The following IPCEF1 variants were observed in gnomAD, a reference collection of about 807,000 sequenced individuals.
The protein encoded by IPCEF1 is interaction protein for cytohesin exchange factors 1.
Under a neutral mutation model 50.9 loss-of-function variants are expected in IPCEF1, and 31 were observed. The ratio of observed to expected loss-of-function variants is 0.61; its 90% CI spans 0.46 to 0.82. The LOEUF is 0.82. Ranked by LOEUF, IPCEF1 falls within the 40% of genes least tolerant of loss-of-function variation. IPCEF1 has a pLI of 0.00. For missense variants in IPCEF1, 458 were observed against 514.0 expected (o/e 0.89, Z 1.05); for synonymous variants, 181 against 192.0 (o/e 0.94, Z 0.47).
Position 154,168,756 on chromosome 6 carries a change from C to T in IPCEF1, c.911-643G>A, listed in dbSNP as rs910871550. Among the ~76,000 whole-genome samples the T allele has an allele frequency of 2.5e-4, 38 of 151,994 alleles. No homozygotes were observed. Among genetic ancestry groups the T allele is most frequent in the African/African-American group, 9.2e-4 (38 of 41,392 alleles). ...AAGTAGCTGGGATTACAGGCACCTG[C>T]CACCATGCCCGGCTCATTTTTATAT... is the stretch of plus-strand genomic sequence containing the variant. On this transcript the variant is annotated intron_variant, in intron 10 of 11. Transcript: ENST00000367220. The surrounding 1 kb of genome is among the most constrained non-coding windows in gnomAD (Gnocchi z 4.1).
intron 10 of IPCEF1, among the ~76,000 whole-genome samples, chr6:154,179,600 T>C (rs1191449964): frequency 6.6e-6 from 1 of 152,210 alleles, no homozygotes; most frequent in Non-Finnish European, 1.5e-5. Context: ...ATTTTAGTCT[T>C]CCTACATAAA....
rs1265380812 is a variant in IPCEF1 at position 154,197,120 on chromosome 6, A to T, written c.910+2548T>A. 2.0e-5 allele frequency among the ~76,000 whole-genome samples: 3 copies of T among 152,208 alleles called. No homozygotes were observed. In the East Asian group the frequency reaches 5.8e-4, roughly 29 times the overall value. On this transcript the variant is annotated intron_variant, in intron 10 of 11. Coordinates refer to ENST00000367220, the MANE Select transcript of IPCEF1 (RefSeq NM_001130700.2). Reference sequence around the variant, plus strand: ...TTTTAAAATCCTAGCTCTCATTTTGAACCATGTTAAGATTTCTATCCCTGA... The same window carrying T: ...TTTTAAAATCCTAGCTCTCATTTTGTACCATGTTAAGATTTCTATCCCTGA...
chr6:154,215,371 A>G (rs1778308295), intron 7 of IPCEF1, among the ~76,000 whole-genome samples: 2 of 152,170 alleles, frequency 1.3e-5, no homozygotes, highest in South Asian at 4.1e-4. Flanking sequence ...CAGGAGGCCA[A>G]GGCAGGTGGA....
intron 5 of IPCEF1, 136 bp downstream of exon 5, chr6:154,246,455 T>G: frequency 9.7e-7 from 1 of 1,031,832 alleles, no homozygotes; most frequent in Non-Finnish European, 1.4e-6. Flanking sequence ...CAGAAATGGC[T>G]TCTATAACTT....
At chr6:154,347,296 AATTCTG>A (rs1450855939) in intron 1 of IPCEF1, among the ~76,000 whole-genome samples, 1 of 152,142 alleles carries the variant, frequency 6.6e-6, no homozygotes, top group African/African-American at 2.4e-5. Flanking sequence ...CCTAGGCTCA[AATTCTG>A]ACCCCAGAGT....
chr6:154,250,585 C>T (rs951372538), intron 3 of IPCEF1, among the ~76,000 whole-genome samples: 1 of 152,126 alleles, frequency 6.6e-6, no homozygotes, highest in Non-Finnish European at 1.5e-5. Flanking sequence ...TGGAAATATA[C>T]AAAAGACCCA....
At chr6:154,231,173 A>T (rs1308469214) in intron 5 of IPCEF1, among the ~76,000 whole-genome samples, 1 of 152,222 alleles carries the variant, frequency 6.6e-6, no homozygotes, top group African/African-American at 2.4e-5. Flanking sequence ...CAGACTCATG[A>T]CCACTAGAGA....
chr6:154,255,886 T>C (rs550477095), intron 3 of IPCEF1, among the ~76,000 whole-genome samples: 1 of 152,230 alleles, frequency 6.6e-6, no homozygotes, highest in African/African-American at 2.4e-5. Flanking sequence ...TACTTTATTA[T>C]TGGTGCTTGA....
At chr6:154,295,057 G>A (rs1458966198) in intron 1 of IPCEF1, among the ~76,000 whole-genome samples, 1 of 152,034 alleles carries the variant, frequency 6.6e-6, no homozygotes, top group Admixed American at 6.6e-5. Context: ...AATTAGTCGG[G>A]TGTGGTGGCG....
At chr6:154,281,029 C>G (rs1469416234) in intron 2 of IPCEF1, among the ~76,000 whole-genome samples, 1 of 151,612 alleles carries the variant, frequency 6.6e-6, no homozygotes, top group African/African-American at 2.4e-5. Flanking sequence ...CTGAGAATCC[C>G]CATCTCAACA....
chr6:154,191,501 C>T (rs890222010), intron 10 of IPCEF1, among the ~76,000 whole-genome samples: 6 of 152,170 alleles, frequency 3.9e-5, no homozygotes, highest in Admixed American at 1.3e-4. Flanking sequence ...TAGTGAAACC[C>T]TGTCTCTACT....
chr6:154,251,560 T>G (rs1018728025), intron 3 of IPCEF1, among the ~76,000 whole-genome samples: 5 of 152,226 alleles, frequency 3.3e-5, no homozygotes, highest in African/African-American at 7.2e-5. Context: ...AAGTGGAAAT[T>G]AAAGCAAACG....
intron 9 of IPCEF1, among the ~76,000 whole-genome samples, chr6:154,202,559 C>CT (rs1351232148): frequency 6.6e-6 from 1 of 152,102 alleles, no homozygotes; most frequent in African/African-American, 2.4e-5. Context: ...GAAACAACAC[C>CT]AAATAAGCTT....
At chr6:154,350,973 G>A (rs1357588436) in intron 1 of IPCEF1, among the ~76,000 whole-genome samples, 3 of 152,124 alleles carry the variant, frequency 2.0e-5, no homozygotes, top group Admixed American at 2.0e-4. Flanking sequence ...TCCCAACTCC[G>A]CTTCCCAAAG....
At position 154,239,012 on chromosome 6, in the gene IPCEF1, G is replaced by A. The variant is rs749785052; in HGVS notation, c.246+7579C>T. On this transcript the variant is annotated intron_variant, in intron 5 of 11. Transcript: ENST00000367220. ...AGAAAAGAAGGAAGCTGTATCCCCT[G>A]AGTGGGCATTTCACTGCTGTGAGCT... Among the ~76,000 whole-genome samples, 115 of 152,036 alleles carry A rather than the reference G, an allele frequency of 7.6e-4. 1 individual carries two copies. The highest frequency in any genetic ancestry group is 2.3e-3 in the African/African-American group (96 of 41,464).
intron 10 of IPCEF1, among the ~76,000 whole-genome samples, chr6:154,193,460 T>C (rs1802113455): frequency 1.3e-5 from 2 of 152,144 alleles, no homozygotes; most frequent in South Asian, 2.1e-4. Flanking sequence ...AACTCATTCA[T>C]GTAACCACAC....
rs1799633103 is a variant in IPCEF1, at chr6:154,168,720, C to T, written c.911-607G>A. 2.0e-5 allele frequency among the ~76,000 whole-genome samples: 3 copies of T among 152,076 alleles called. No homozygotes were observed. Among genetic ancestry groups the T allele is most frequent in the Admixed American group, 2.0e-4 (3 of 15,270 alleles). ...TCCCAGGTTCAAGTGATTCTCCTGT[C>T]TCAGCCTCCCAAGTAGCTGGGATTA... On this transcript the variant is annotated intron_variant, in intron 10 of 11. Coordinates refer to ENST00000367220, the MANE Select transcript of IPCEF1 (RefSeq NM_001130700.2). This position sits in a 1 kb window ranked among gnomAD's most constrained non-coding sequence, Gnocchi z 4.1.
chr6:154,223,981 C>A, intron 5 of IPCEF1, among the ~76,000 whole-genome samples: 1 of 152,200 alleles, frequency 6.6e-6, no homozygotes, highest in Non-Finnish European at 1.5e-5. Flanking sequence ...AATATAATCA[C>A]TGTCCCACCT....
At chr6:154,268,208 C>T (rs1162502526) in intron 2 of IPCEF1, among the ~76,000 whole-genome samples, 1 of 152,204 alleles carries the variant, frequency 6.6e-6, no homozygotes, top group Non-Finnish European at 1.5e-5. Context: ...GCAGCAGAAG[C>T]AGGCACTCCT....
Sources: allele counts gnomAD v4.1 joint callset (sites outside exome capture counted in the v4.1 genomes callset), GRCh38; gene constraint gnomAD v4.1.1; non-coding constraint Gnocchi (gnomAD v3.1); transcripts MANE v1.5; gene names NCBI Gene and HGNC (gene_info 2026-07-23, HGNC 2026-07-21).